LINC00305: variants seen among roughly 807,000 people sequenced by gnomAD.
LINC00305 encodes the protein long independently transcribed non-coding RNA 305.
chr18:64,141,805 C>T lies in LINC00305; in HGVS notation n.314+6970G>A, dbSNP rs118116903. On this transcript the variant is annotated intron_variant and non_coding_transcript_variant, in intron 1 of 3. Transcript: ENST00000666468. ...TCAAAACGCTTTGGTATGATACTCA[C>T]GCATATGAAACAATGTACTTTAGCA... Among the ~76,000 whole-genome samples the T allele has an allele frequency of 7.4e-4, 112 of 152,256 alleles. No homozygotes were observed. In the East Asian group the frequency reaches 0.018, roughly 24 times the overall value.
In LINC00305 at chr18:64,094,887, T is replaced by A. The variant is rs2849306; in HGVS notation, n.540+2947A>T. Among the ~76,000 whole-genome samples the A allele has an allele frequency of 7.0e-4, 80 of 114,648 alleles. 2 individuals carry two copies. Among genetic ancestry groups the A allele is most frequent in the Non-Finnish European group, 6.5e-4 (39 of 60,218 alleles). 75.2% of individuals were successfully genotyped at this position (114,648 alleles called of 152,430 possible). On this transcript the variant is annotated intron_variant and non_coding_transcript_variant, in intron 3 of 3. Coordinates refer to ENST00000666468, the Ensembl canonical transcript of LINC00305. ...AATAAATAAATAAATAAATAAATAATAAAATAAAATAAAAGAATTTCTTTC... is the reference window on the plus strand; with the variant it reads ...AATAAATAAATAAATAAATAAATAAAAAAATAAAATAAAAGAATTTCTTTC...
chr18:64,135,086 T>G (rs2051426516), intron 1 of LINC00305, among the ~76,000 whole-genome samples: 1 of 152,198 alleles, frequency 6.6e-6, no homozygotes, highest in Admixed American at 6.5e-5. Context: ...TGGGGAACCG[T>G]GTTCCAGGCC....
exon 4 of LINC00305, chr18:64,080,233 T>C: frequency 2.4e-6 from 1 of 413,656 alleles, no homozygotes; most frequent in Non-Finnish European, 4.8e-6. Flanking sequence ...TGCTTCACAG[T>C]ATGACCTCTG....
At chr18:64,083,467 A>C (rs571703286) in intron 3 of LINC00305, among the ~76,000 whole-genome samples, 2 of 152,352 alleles carry the variant, frequency 1.3e-5, no homozygotes, top group African/African-American at 4.8e-5. Flanking sequence ...TAAACTCTAT[A>C]GTCTTCAATA....
chr18:64,123,025 G>A (rs1488641488), intron 1 of LINC00305, among the ~76,000 whole-genome samples: 2 of 152,048 alleles, frequency 1.3e-5, no homozygotes, highest in African/African-American at 4.8e-5. Flanking sequence ...ACTGATTTTT[G>A]TACACTGATT....
chr18:64,098,904 A>T (rs1208248450), intron 1 of LINC00305, among the ~76,000 whole-genome samples: 1 of 152,196 alleles, frequency 6.6e-6, no homozygotes, highest in African/African-American at 2.4e-5. Flanking sequence ...CACTAAGCCA[A>T]GTGACAAGGA....
At chr18:64,100,823 G>C (rs1199231733) in intron 1 of LINC00305, among the ~76,000 whole-genome samples, 1 of 152,138 alleles carries the variant, frequency 6.6e-6, no homozygotes, top group Non-Finnish European at 1.5e-5. Flanking sequence ...GGCTTTTTGA[G>C]AGGGAGAGCC....
At chr18:64,113,098 C>T (rs1298253973) in intron 1 of LINC00305, among the ~76,000 whole-genome samples, 2 of 152,188 alleles carry the variant, frequency 1.3e-5, no homozygotes, top group African/African-American at 2.4e-5. Context: ...TATTCTGACA[C>T]TCAAACTCCT....
At chr18:64,143,675 T>TGTATGTCCACGTATTATGCGTAC (rs2051480138) in intron 1 of LINC00305, among the ~76,000 whole-genome samples, 1 of 69,186 alleles carries the variant, frequency 1.4e-5, no homozygotes, top group African/African-American at 5.2e-5. Context: ...TATGTATACA[T>TGTATGTCCACGTATTATGCGTAC]ATGTATGTCC....
chr18:64,115,136 C>T, intron 1 of LINC00305, among the ~76,000 whole-genome samples: 1 of 152,240 alleles, frequency 6.6e-6, no homozygotes, highest in Non-Finnish European at 1.5e-5. Flanking sequence ...AGACTACACT[C>T]ATCTCCGCCT....
intron 1 of LINC00305, among the ~76,000 whole-genome samples, chr18:64,106,343 C>A (rs370628590): frequency 2.0e-5 from 3 of 152,152 alleles, no homozygotes; most frequent in Non-Finnish European, 4.4e-5. Flanking sequence ...ATTGTGCCTA[C>A]GCTCTGGCTT....
At chr18:64,129,280 T>A (rs1599225574) in intron 1 of LINC00305, among the ~76,000 whole-genome samples, 1 of 152,282 alleles carries the variant, frequency 6.6e-6, no homozygotes, top group South Asian at 2.1e-4. Context: ...AGCTATTTGA[T>A]GTGTCTGTCT....
At chr18:64,082,858 T>C (rs1253769029) in intron 3 of LINC00305, among the ~76,000 whole-genome samples, 1 of 152,186 alleles carries the variant, frequency 6.6e-6, no homozygotes, top group African/African-American at 2.4e-5. Context: ...TTCTTGCTTC[T>C]CTTTTCTTTC....
intron 3 of LINC00305, among the ~76,000 whole-genome samples, chr18:64,081,514 GAT>G (rs2051184823): frequency 6.6e-6 from 1 of 152,070 alleles, no homozygotes; most frequent in Non-Finnish European, 1.5e-5. Context: ...GTTCTCAAAA[GAT>G]ACCAACATTA....
chr18:64,087,849 T>C (rs2051209197), intron 3 of LINC00305, among the ~76,000 whole-genome samples: 1 of 151,852 alleles, frequency 6.6e-6, no homozygotes, highest in Non-Finnish European at 1.5e-5. Flanking sequence ...CCCAGCACTT[T>C]GGGAGGCCGA....
intron 3 of LINC00305, among the ~76,000 whole-genome samples, chr18:64,081,823 G>C (rs1336485057): frequency 1.3e-5 from 2 of 152,158 alleles, no homozygotes; most frequent in African/African-American, 4.8e-5. Flanking sequence ...GTACACAGTG[G>C]AGAAAGCTGC....
chr18:64,126,051 C>T lies in LINC00305; in HGVS notation n.314+22724G>A, dbSNP rs1342840591. On this transcript the variant is annotated intron_variant and non_coding_transcript_variant, in intron 1 of 3. Transcript: ENST00000666468. ...ACTGTTTCCTTGATCTTGGGCTTCT[C>T]AGCCTCCAGAACCATGAACAAATAA... Among the ~76,000 whole-genome samples, 3 of 152,172 alleles carry T rather than the reference C, an allele frequency of 2.0e-5. No homozygotes were observed. In the Middle Eastern group the frequency reaches 0.01, roughly 518 times the overall value.
At chr18:64,101,958 A>G (rs2051269238) in intron 1 of LINC00305, among the ~76,000 whole-genome samples, 1 of 152,134 alleles carries the variant, frequency 6.6e-6, no homozygotes, top group African/African-American at 2.4e-5. Context: ...TCATATTTTT[A>G]TAGTGCAAAA....
At chr18:64,114,657 T>C (rs1036269189) in intron 1 of LINC00305, among the ~76,000 whole-genome samples, 2 of 152,224 alleles carry the variant, frequency 1.3e-5, no homozygotes, top group Non-Finnish European at 2.9e-5. Context: ...CAAGTGATTC[T>C]CCTGCCTTAG....
Sources: gnomAD v4.1 joint callset for allele counts (sites outside exome capture counted in the v4.1 genomes callset) on GRCh38, gnomAD v4.1.1 for gene constraint, MANE v1.5 for transcripts, NCBI Gene and HGNC (gene_info 2026-07-23, HGNC 2026-07-21) for gene names.